The following CLDN14 variants were observed in gnomAD, a reference collection of about 807,000 sequenced individuals.
CLDN14 encodes claudin 14, also known as claudin-14.
In CLDN14, 2 loss-of-function variants were observed where a neutral mutation model predicts 2.1. The ratio of observed to expected loss-of-function variants is 0.96; its 90% CI spans 0.39 to 3.01. The LOEUF (loss-of-function observed/expected upper bound fraction) is 3.01. Ranked by LOEUF, CLDN14 falls within the 30% of genes most tolerant of loss-of-function variation. The pLI is 0.09. For missense variants in CLDN14, 298 were observed against 328.0 expected (o/e 0.91, Z 0.71); for synonymous variants, 136 against 154.4 (o/e 0.88, Z 0.88).
rs1555847002 is a variant in CLDN14 at position 36,489,131 on chromosome 21, A to AT, written c.-82+21231_-82+21232insA. ...TCTGTCTCAAAGAAAAAAAAAAAAAAATATATATATATATATATATATATA... is the reference window on the plus strand; with the variant it reads ...TCTGTCTCAAAGAAAAAAAAAAAAAATATATATATATATATATATATATATA... On this transcript the variant is annotated intron_variant, in intron 2 of 2. Coordinates refer to the CLDN14 transcript ENST00000342108. Among the ~76,000 whole-genome samples, 482 of 62,722 alleles carry AT rather than the reference A, an allele frequency of 7.7e-3. 5 individuals are homozygous for AT. Among genetic ancestry groups the AT allele is most frequent in the Admixed American group, 0.033 (119 of 3,644 alleles). 41.1% of individuals were successfully genotyped at this position (62,722 alleles called of 152,430 possible). A position where few individuals can be genotyped will look rare whatever the true frequency, so the allele number is the denominator to read the frequency against.
At chr21:36,478,776 TGGGGAC>T (rs1002897693) in intron 1 of CLDN14, among the ~76,000 whole-genome samples, 1 of 152,200 alleles carries the variant, frequency 6.6e-6, no homozygotes, top group Non-Finnish European at 1.5e-5. Flanking sequence ...CTCCAAGGTT[TGGGGAC>T]GGTCTCAGGA....
chr21:36,506,158 G>T (rs947961221), intron 2 of CLDN14, among the ~76,000 whole-genome samples: 2 of 152,156 alleles, frequency 1.3e-5, no homozygotes, highest in African/African-American at 4.8e-5. Flanking sequence ...ACATAACTAC[G>T]GTACATCCAC....
At chr21:36,503,060 T>G (rs1037221531) in intron 2 of CLDN14, among the ~76,000 whole-genome samples, 1 of 152,170 alleles carries the variant, frequency 6.6e-6, no homozygotes, top group African/African-American at 2.4e-5. Flanking sequence ...AGAATGGATT[T>G]TTTTGTTTTT....
intron 1 of CLDN14, among the ~76,000 whole-genome samples, chr21:36,533,815 G>A (rs962801681): frequency 1.3e-5 from 2 of 152,108 alleles, no homozygotes; most frequent in African/African-American, 2.4e-5. Flanking sequence ...ACATAGAGGG[G>A]AACCACACAC....
intron 1 of CLDN14, among the ~76,000 whole-genome samples, chr21:36,550,784 G>A (rs569453033): frequency 6.6e-6 from 1 of 152,204 alleles, no homozygotes; most frequent in Non-Finnish European, 1.5e-5. Context: ...CAGTCACAGT[G>A]CAAGGCAAGA....
At position 36,461,613 on chromosome 21, in the gene CLDN14, G is replaced by A. The variant is rs727504989; in HGVS notation, c.83C>T (p.Pro28Leu). ...CACGTGCGCTGTCCTCCGCCAGTGC[G>A]GCAGGATGGTGGTGATCAACGTGCC... is the stretch of plus-strand genomic sequence containing the variant. ...MVGTLITTIL[P>L]HWRRTAHVGT... is the part of the protein sequence containing the mutation. The change falls in exon 2 of 2, where the codon CCG (proline) becomes CTG (leucine). Residue 28 changes from proline to leucine, a missense_variant. Physicochemically the swap from Pro to Leu is moderately conservative, Grantham distance 98. Transcript: ENST00000399135. 1.4e-5 allele frequency: 23 copies of A among 1,601,958 alleles called. No individual in the cohort carries two copies. The highest frequency in any genetic ancestry group is 1.7e-4 in the Middle Eastern group (1 of 6,044).
intron 1 of CLDN14, among the ~76,000 whole-genome samples, chr21:36,475,642 C>T (rs2086768940): frequency 6.6e-6 from 1 of 152,238 alleles, no homozygotes; most frequent in Non-Finnish European, 1.5e-5. Flanking sequence ...CCTTGACCTC[C>T]TGAGCTCAAG....
intron 2 of CLDN14, among the ~76,000 whole-genome samples, chr21:36,505,656 A>G (rs1453360718): frequency 6.6e-6 from 1 of 152,194 alleles, no homozygotes; most frequent in Admixed American, 6.5e-5. Context: ...CCCAATGTAG[A>G]CAATCAGCCT....
intron 1 of CLDN14, among the ~76,000 whole-genome samples, chr21:36,543,673 C>G (rs1395684672): frequency 6.6e-6 from 1 of 152,162 alleles, no homozygotes; most frequent in African/African-American, 2.4e-5. Flanking sequence ...ACAATTGAGG[C>G]AATGGGTCCT....
At chr21:36,523,783 GAAAGAA>G (rs1201035686) in intron 1 of CLDN14, among the ~76,000 whole-genome samples, 1 of 18,470 alleles carries the variant, frequency 5.4e-5, no homozygotes, top group Non-Finnish European at 1.4e-4. Context: ...GAGAAAGAGA[GAAAGAA>G]AGAAAGAAAG....
At position 36,460,955 on chromosome 21, in the gene CLDN14, G is replaced by T. The variant is rs1180387247; in HGVS notation, c.*21C>A. 2 of 1,609,792 alleles carry T rather than the reference G, an allele frequency of 1.2e-6. No individual in the cohort carries two copies. The highest frequency in any genetic ancestry group is 2.2e-5 in the East Asian group (1 of 44,792). ...GGGACCCAGCCCACAGCAGCCCAGG[G>T]GAGAAGCAGGCTGTGGGGACTCACA... On this transcript the variant is annotated 3_prime_UTR_variant, in exon 2 of 2. Coordinates refer to ENST00000399135, the MANE Select transcript of CLDN14 (RefSeq NM_001146079.2). The surrounding 1 kb of genome is among the most constrained non-coding windows in gnomAD (Gnocchi z 4.0).
chr21:36,498,150 A>T lies in CLDN14; in HGVS notation c.-82+12213T>A, dbSNP rs545510355. Among the ~76,000 whole-genome samples, 20 of 151,704 alleles carry T rather than the reference A, an allele frequency of 1.3e-4. No individual in the cohort carries two copies. The highest frequency in any genetic ancestry group is 4.9e-4 in the African/African-American group (20 of 41,170). On this transcript the variant is annotated intron_variant, in intron 2 of 2. Coordinates refer to the CLDN14 transcript ENST00000342108. The surrounding 1 kb of genome is among the most constrained non-coding windows in gnomAD (Gnocchi z 4.9). Reference sequence around the variant, plus strand: ...TGAGTAGCTGGGATTACAGGCACCCACCACCATGCCCAGCTAATTTTTGTA... The same window carrying T: ...TGAGTAGCTGGGATTACAGGCACCCTCCACCATGCCCAGCTAATTTTTGTA...
intron 1 of CLDN14, among the ~76,000 whole-genome samples, chr21:36,528,537 C>T (rs1035965456): frequency 6.6e-6 from 1 of 152,148 alleles, no homozygotes; most frequent in African/African-American, 2.4e-5. Context: ...CTCTTCCTAC[C>T]AGGCTTCAGG....
At chr21:36,513,900 C>T (rs954279961) in intron 1 of CLDN14, among the ~76,000 whole-genome samples, 5 of 152,158 alleles carry the variant, frequency 3.3e-5, no homozygotes, top group Non-Finnish European at 7.3e-5. Context: ...GGCACGACCT[C>T]CGCTCGCTGC....
chr21:36,537,163 C>A (rs1291882987), intron 1 of CLDN14, among the ~76,000 whole-genome samples: 4 of 152,054 alleles, frequency 2.6e-5, no homozygotes, highest in Admixed American at 6.5e-5. Flanking sequence ...TGCACTCCAG[C>A]CTAGGCAACA....
intron 1 of CLDN14, chr21:36,526,589 G>A (rs532098691): frequency 2.6e-5 from 4 of 152,196 alleles, no homozygotes; most frequent in Non-Finnish European, 4.4e-5. Flanking sequence ...AACCTGCTGG[G>A]ATGTTTGTGT....
At chr21:36,473,599 A>G (rs980772010) in intron 1 of CLDN14, among the ~76,000 whole-genome samples, 1 of 152,224 alleles carries the variant, frequency 6.6e-6, no homozygotes, top group Non-Finnish European at 1.5e-5. Flanking sequence ...GGGGATAACC[A>G]TGGTTGCATA....
rs544861391 is a variant in CLDN14 at position 36,478,224 on chromosome 21, T to C, written c.-82+1271A>G. Among the ~76,000 whole-genome samples the C allele has an allele frequency of 3.9e-5, 6 of 152,348 alleles. No homozygotes were observed. In the East Asian group the frequency reaches 1.2e-3, roughly 29 times the overall value. On this transcript the variant is annotated intron_variant, in intron 1 of 1. Coordinates refer to ENST00000399135, the MANE Select transcript of CLDN14 (RefSeq NM_001146079.2). ...TCCTTTTTATAGATTTTTCTGTAGA[T>C]GTCTTAAGAAGCATTGAACCCTTTA...
intron 1 of CLDN14, among the ~76,000 whole-genome samples, chr21:36,532,664 A>G (rs1319147254): frequency 6.6e-6 from 1 of 152,220 alleles, no homozygotes; most frequent in Non-Finnish European, 1.5e-5. Context: ...TAAGCCTTGC[A>G]GGGTCTCTAA....
Sources: gnomAD v4.1 joint callset for allele counts (sites outside exome capture counted in the v4.1 genomes callset) on GRCh38, gnomAD v4.1.1 for gene constraint, Gnocchi (gnomAD v3.1) non-coding constraint, MANE v1.5 for transcripts, NCBI Gene and HGNC (gene_info 2026-07-23, HGNC 2026-07-21) for gene names.